RC3H2: variants seen among roughly 807,000 people sequenced by gnomAD.
The protein encoded by RC3H2 is roquin-2.
A neutral mutation model predicts 133.3 loss-of-function variants in RC3H2; 31 were observed. The observed-to-expected ratio is 0.23, with a 90% CI of 0.17 to 0.31. RC3H2 has a LOEUF of 0.31. RC3H2 is among the 10% of genes least tolerant of loss of function. The pLI is 1.00. For synonymous variants in RC3H2, 517 were observed against 502.2 expected, an observed-to-expected ratio of 1.03 and a Z score of -0.40; for missense variants, 1,175 against 1,437.2, an observed-to-expected ratio of 0.82 and a Z score of 2.95.
At chr9:122,853,377 A>C (rs1830122224) in intron 18 of RC3H2, among the ~76,000 whole-genome samples, 1 of 142,690 alleles carries the variant, frequency 7.0e-6, no homozygotes. Context: ...AGAATGATCA[A>C]TAAAAAAAAA....
At chr9:122,887,727 T>C (rs1435292369) in intron 4 of RC3H2, among the ~76,000 whole-genome samples, 1 of 151,642 alleles carries the variant, frequency 6.6e-6, no homozygotes, top group Non-Finnish European at 1.5e-5. Flanking sequence ...AAATCTTTGA[T>C]TTTATACTTG....
Position 122,851,391 on chromosome 9 carries a change from T to C in RC3H2, c.3163A>G (p.Arg1055Gly), listed in dbSNP as rs750293131. 1.2e-6 allele frequency: 2 copies of C among 1,614,208 alleles called. No homozygotes were observed. The highest frequency in any genetic ancestry group is 1.1e-5 in the South Asian group (1 of 91,088). ...TEDATDTKPDRDIELELSALD... is the reference protein window; with the variant it reads ...TEDATDTKPDGDIELELSALD... Reference sequence around the variant, plus strand: ...GCTGAAAGCTCTAACTCGATATCCCTATCAGGTTTAGTATCTGTTGCATCT... The same window carrying C: ...GCTGAAAGCTCTAACTCGATATCCCCATCAGGTTTAGTATCTGTTGCATCT... Residue 1055 changes from arginine to glycine, a missense_variant, in exon 19 of 21, where the codon AGG becomes GGG. Transcript: ENST00000357244.
intron 13 of RC3H2, among the ~76,000 whole-genome samples, chr9:122,857,387 T>A (rs1369560510): frequency 6.6e-6 from 1 of 152,194 alleles, no homozygotes; most frequent in African/African-American, 2.4e-5. Flanking sequence ...TAATTAGCAG[T>A]GATGTAAAGA....
chr9:122,884,705 T>C (rs555976809), intron 4 of RC3H2, among the ~76,000 whole-genome samples: 22 of 151,924 alleles, frequency 1.4e-4, no homozygotes, highest in African/African-American at 5.3e-4. Context: ...ATATAAAAAT[T>C]AGCTGGGCAT....
In RC3H2 at chr9:122,883,302, G is replaced by A; in HGVS notation, c.661C>T (p.Leu221Phe). 6.2e-7 allele frequency: 1 copy of A among 1,613,776 alleles called. No individual in the cohort carries two copies. The highest frequency in any genetic ancestry group is 8.5e-7 in the Non-Finnish European group (1 of 1,179,884). Residue 221 changes from leucine (L) to phenylalanine (F), a missense_variant, in exon 5 of 21, where the codon CTT becomes TTT. By Grantham distance (22) the Leu-to-Phe change is conservative (BLOSUM62 0). This residue lies in a region of RC3H2 where 121 missense variants were observed against 243.5 expected (regional missense o/e 0.50). Coordinates refer to ENST00000357244, the MANE Select transcript of RC3H2 (RefSeq NM_001100588.3). ...GGTTCTAGTCTCTGCACAACAAAAA[G>A]TACCAGAACTTTCCTTGAGAGGGCA... ...GSALSRKVLV[L>F]FVVQRLEPRF...
intron 9 of RC3H2, among the ~76,000 whole-genome samples, chr9:122,867,219 CCGGGAGGGAGG>C (rs1417186722): frequency 3.7e-3 from 343 of 92,330 alleles, no homozygotes; most frequent in African/African-American, 0.014. Context: ...GCCACCCCGT[CCGGGAGGGAGG>C]TGGGGGGATC....
At position 122,860,137 on chromosome 9, in the gene RC3H2, G is replaced by A. The variant is rs779320994; in HGVS notation, c.1635-6C>T. ...TGGGTGGAGAACCAATTTTACTGGA[G>A]AGAAAATTTAACAAAGGGCAAAGGA... is the stretch of plus-strand genomic sequence containing the variant. On this transcript the variant is annotated splice_polypyrimidine_tract_variant and splice_region_variant and intron_variant, in intron 10 of 20. Transcript: ENST00000357244. 1 of 1,608,628 alleles carries A rather than the reference G, an allele frequency of 6.2e-7. No homozygotes were observed. The highest frequency in any genetic ancestry group is 8.5e-7 in the Non-Finnish European group (1 of 1,175,078).
chr9:122,870,203 C>T (rs1010557622), intron 9 of RC3H2, among the ~76,000 whole-genome samples: 2 of 151,848 alleles, frequency 1.3e-5, no homozygotes, highest in Admixed American at 1.3e-4. Flanking sequence ...GGTGAAACCC[C>T]GTCTCTATTA....
chr9:122,881,865 T>C (rs955744158), intron 5 of RC3H2, among the ~76,000 whole-genome samples: 5 of 152,196 alleles, frequency 3.3e-5, no homozygotes, highest in Non-Finnish European at 7.3e-5. Context: ...TGATCAGATT[T>C]ATGCTTTAAA....
chr9:122,865,584 T>A lies in RC3H2; in HGVS notation c.1399A>T (p.Asn467Tyr), dbSNP rs1472301292. The part of the protein sequence containing the change: ...FPLLNKVGVN[N>Y]TVTTTAGNVI... ...TTTCCGGCTGTGGTTGTGACAGTGT[T>A]GTTTACACCAACTTTATTTAGAAGA... The change falls in exon 10 of 21, where the codon AAC (asparagine) becomes TAC (tyrosine). Residue 467 changes from asparagine to tyrosine, a missense_variant. This residue lies in a region of RC3H2 where 490 missense variants were observed against 492.8 expected (regional missense o/e 0.99). Coordinates refer to ENST00000357244, the MANE Select transcript of RC3H2 (RefSeq NM_001100588.3). 6.2e-7 allele frequency: 1 copy of A among 1,614,202 alleles called. No individual in the cohort carries two copies. Among genetic ancestry groups the A allele is most frequent in the Admixed American group, 1.7e-5 (1 of 60,036 alleles).
intron 10 of RC3H2, among the ~76,000 whole-genome samples, chr9:122,861,859 T>C (rs185410027): frequency 4.5e-4 from 68 of 152,316 alleles, no homozygotes; most frequent in African/African-American, 1.3e-3. Context: ...CTGTGGGTAA[T>C]AAAAGTAGGT....
intron 18 of RC3H2, among the ~76,000 whole-genome samples, chr9:122,852,185 C>T (rs373232167): frequency 0.015 from 2,337 of 151,078 alleles, 20 homozygotes; most frequent in South Asian, 0.063. Context: ...TCTGCCCGGC[C>T]GCCACCCCGT....
In RC3H2 at chr9:122,849,149, A is replaced by G. The variant is rs1211698037; in HGVS notation, c.*478T>C. 1 of 152,198 alleles carries G rather than the reference A, an allele frequency of 6.6e-6. No individual in the cohort carries two copies. The highest frequency in any genetic ancestry group is 1.5e-5 in the Non-Finnish European group (1 of 68,036). The allele number at this position is 152,198 out of a possible 1,614,324, so 9.4% of individuals were successfully genotyped here. On this transcript the variant is annotated 3_prime_UTR_variant, in exon 21 of 21. Coordinates refer to ENST00000357244, the MANE Select transcript of RC3H2 (RefSeq NM_001100588.3). The stretch of plus-strand genomic sequence containing the variant: ...AGAAATCCATGCAAAGTTCCATGAA[A>G]AAGATAAATAAAGCAGCTGGAATGA...
Position 122,860,106 on chromosome 9 carries a change from G to C in RC3H2, c.1660C>G (p.Pro554Ala). ...ENKIGSPPKTPVSNVAATSAG... is the reference protein window; with the variant it reads ...ENKIGSPPKTAVSNVAATSAG... ...GAGGTAGCTGCTACATTACTTACAG[G>C]AGTCTTGGGTGGAGAACCAATTTTA... Residue 554 changes from proline to alanine, a missense_variant, in exon 11 of 21, where the codon CCT becomes GCT. Pro to Ala is a conservative substitution (Grantham distance 27, BLOSUM62 -1). This residue lies in a region of RC3H2 where 490 missense variants were observed against 492.8 expected (regional missense o/e 0.99). Transcript: ENST00000357244. 2 of 1,614,088 alleles carry C rather than the reference G, an allele frequency of 1.2e-6. No individual in the cohort carries two copies. Among genetic ancestry groups the C allele is most frequent in the East Asian group, 2.2e-5 (1 of 44,870 alleles).
In RC3H2 at chr9:122,854,625, T is replaced by C. The variant is rs779971639; in HGVS notation, c.2816-10A>G. The C allele has an allele frequency of 6.3e-6, 10 of 1,593,390 alleles. No homozygotes were observed. The highest frequency in any genetic ancestry group is 5.0e-5 in the Admixed American group (3 of 59,978). ...ACATAAGGGACATAATCTACAGACA[T>C]GTAGAATGAAACAATGGTCAAAAAA... On this transcript the variant is annotated splice_polypyrimidine_tract_variant and intron_variant, in intron 15 of 20. Transcript: ENST00000357244.
intron 2 of RC3H2, among the ~76,000 whole-genome samples, chr9:122,896,280 T>C (rs968078924): frequency 1.3e-5 from 2 of 152,168 alleles, no homozygotes; most frequent in African/African-American, 2.4e-5. Flanking sequence ...GTTTTCCATA[T>C]ATACATCCCT....
chr9:122,882,334 A>G (rs1588096345), intron 5 of RC3H2, among the ~76,000 whole-genome samples: 1 of 152,358 alleles, frequency 6.6e-6, no homozygotes, highest in East Asian at 1.9e-4. Flanking sequence ...AGTGGAGTTA[A>G]ATGAATTCAC....
intron 9 of RC3H2, among the ~76,000 whole-genome samples, chr9:122,872,252 T>A (rs1043342284): frequency 7.9e-5 from 12 of 152,230 alleles, no homozygotes; most frequent in African/African-American, 2.7e-4. Flanking sequence ...ATAGCCCACA[T>A]TCAATTGGTC....
At chr9:122,895,150 T>C (rs1832364629) in intron 2 of RC3H2, among the ~76,000 whole-genome samples, 1 of 151,566 alleles carries the variant, frequency 6.6e-6, no homozygotes. Context: ...GCTAAATAAA[T>C]GGTAGCTAGG....
Sources: allele counts gnomAD v4.1 joint callset (sites outside exome capture counted in the v4.1 genomes callset), GRCh38; gene constraint gnomAD v4.1.1; regional missense constraint gnomAD v4.1.1; transcripts MANE v1.5; gene names NCBI Gene and HGNC (gene_info 2026-07-23, HGNC 2026-07-21).